The following BLOC1S6 variants were observed in gnomAD, a reference collection of about 807,000 sequenced individuals.
The protein encoded by BLOC1S6 is biogenesis of lysosomal organelles complex 1 subunit 6.
In BLOC1S6, 24 loss-of-function variants were observed where a neutral mutation model predicts 24.7. The observed-to-expected ratio is 0.97, with a 90% CI of 0.70 to 1.37. The LOEUF is 1.37. BLOC1S6 is among the 40% of genes most tolerant of loss of function. BLOC1S6 has a pLI of 0.00. For missense variants in BLOC1S6, 175 were observed against 196.2 expected, an observed-to-expected ratio of 0.89 and a Z score of 0.64; for synonymous variants, 76 against 72.6, an observed-to-expected ratio of 1.05 and a Z score of -0.23.
At chr15:45,592,900 C>G (rs1434774687) in intron 2 of BLOC1S6, among the ~76,000 whole-genome samples, 1 of 152,186 alleles carries the variant, frequency 6.6e-6, no homozygotes, top group Non-Finnish European at 1.5e-5. Flanking sequence ...CTGGATAGCC[C>G]AGGCTGGCCT....
At chr15:45,601,684 A>C (rs1198237859) in intron 2 of BLOC1S6, among the ~76,000 whole-genome samples, 1 of 151,606 alleles carries the variant, frequency 6.6e-6, no homozygotes, top group East Asian at 1.9e-4. Flanking sequence ...AATTTTATTG[A>C]TCTTTTAAAG....
chr15:45,602,417 CATTG>C, intron 2 of BLOC1S6: 1 of 636,240 alleles, frequency 1.6e-6, no homozygotes, highest in Non-Finnish European at 2.8e-6. Flanking sequence ...GTGATCCTAA[CATTG>C]ATTGATGTGT....
At chr15:45,589,262 G>A (rs925716066) in intron 1 of BLOC1S6, among the ~76,000 whole-genome samples, 5 of 152,276 alleles carry the variant, frequency 3.3e-5, no homozygotes, top group Non-Finnish European at 7.4e-5. Context: ...GTAATATTTC[G>A]TTTGTCATAA....
At chr15:45,591,993 G>C in intron 1 of BLOC1S6, 142 bp from the exon 2 acceptor site, 2 of 937,386 alleles carry the variant, frequency 2.1e-6, no homozygotes, top group Non-Finnish European at 3.2e-6. Flanking sequence ...CGGCTGGTCA[G>C]AGTGCAGTGG....
chr15:45,596,926 C>T (rs7496542), intron 2 of BLOC1S6, among the ~76,000 whole-genome samples: 7,093 of 151,684 alleles, frequency 0.047, 276 homozygotes, highest in Non-Finnish European at 0.07. Flanking sequence ...TCCCCAGCCT[C>T]AGGCTCCCAA....
chr15:45,595,910 C>G (rs536659448), intron 2 of BLOC1S6, among the ~76,000 whole-genome samples: 1 of 151,824 alleles, frequency 6.6e-6, no homozygotes, highest in African/African-American at 2.4e-5. Context: ...TGGGTTCAAG[C>G]GATTCTCCTG....
At chr15:45,587,258 T>G, upstream of BLOC1S6, 1 of 645,868 alleles carries the variant, frequency 1.5e-6, no homozygotes, top group South Asian at 1.8e-5. Context: ...CAGCGCGGGG[T>G]CCCCACAACG....
At chr15:45,593,580 A>G (rs1893963777) in intron 2 of BLOC1S6, among the ~76,000 whole-genome samples, 1 of 152,146 alleles carries the variant, frequency 6.6e-6, no homozygotes, top group Non-Finnish European at 1.5e-5. Flanking sequence ...GATAGATGGA[A>G]GGTAAGAAAC....
chr15:45,590,900 A>C (rs1893859443), intron 1 of BLOC1S6, among the ~76,000 whole-genome samples: 1 of 152,236 alleles, frequency 6.6e-6, no homozygotes, highest in Non-Finnish European at 1.5e-5. Context: ...TAATTTTAGT[A>C]AAGTGACCAT....
chr15:45,591,463 C>T (rs1207531256), intron 1 of BLOC1S6, among the ~76,000 whole-genome samples: 3 of 152,066 alleles, frequency 2.0e-5, no homozygotes, highest in Non-Finnish European at 4.4e-5. Context: ...GACAGGGTCT[C>T]GCTCCGCTGC....
At chr15:45,589,068 A>G (rs1478620490) in intron 1 of BLOC1S6, among the ~76,000 whole-genome samples, 3 of 152,252 alleles carry the variant, frequency 2.0e-5, no homozygotes, top group African/African-American at 7.2e-5. Context: ...TAAGCAAGGA[A>G]GCTCACTGCA....
At position 45,587,473 on chromosome 15, in the gene BLOC1S6, CGG is replaced by C. The variant is rs749555560; in HGVS notation, c.33_34del (p.Ala12ProfsTer19). The C allele has an allele frequency of 5.1e-6, 8 of 1,583,682 alleles. No individual in the cohort carries two copies. The South Asian group carries it at 9.2e-5, about 18-fold the overall frequency. Reference sequence around the variant, plus strand: ...GTGTCCCTGGGCCGTCGTCTCCGGACGGGGCCCTGACACGGCCACCCTACTGC... The same window carrying C: ...GTGTCCCTGGGCCGTCGTCTCCGGACGGCCCTGACACGGCCACCCTACTGC... MSVPGPSSPD[G>X]ALTRPPYCLE... On this transcript the variant is annotated frameshift_variant, in exon 1 of 5. Transcript: ENST00000220531. LOFTEE classifies it high-confidence loss of function.
Position 45,606,462 on chromosome 15 carries a change from AG to A in BLOC1S6, c.469del (p.Glu157SerfsTer8). On this transcript the variant is annotated frameshift_variant, in exon 5 of 5. Transcript: ENST00000220531. LOFTEE classifies it high-confidence loss of function. Reference sequence around the variant, plus strand: ...TTGGAAAGGGAGCAGCAACGAGAGAAGGAGTTTGAAAGAGAAAAGCAGTTAA... The same window carrying A: ...TTGGAAAGGGAGCAGCAACGAGAGAAGAGTTTGAAAGAGAAAAGCAGTTAA... ...EELEREQQRE[K>X]EFEREKQLTA... The A allele has an allele frequency of 6.2e-7, 1 of 1,614,170 alleles. No individual in the cohort carries two copies. Among genetic ancestry groups the A allele is most frequent in the Non-Finnish European group, 8.5e-7 (1 of 1,180,034 alleles).
chr15:45,606,062 T>A (rs1894445793), intron 4 of BLOC1S6, among the ~76,000 whole-genome samples: 1 of 152,170 alleles, frequency 6.6e-6, no homozygotes, highest in Non-Finnish European at 1.5e-5. Context: ...GGCCTCGACC[T>A]CCCTAAGTGC....
chr15:45,600,487 G>C (rs1384480603), intron 2 of BLOC1S6, among the ~76,000 whole-genome samples: 2 of 152,140 alleles, frequency 1.3e-5, no homozygotes, highest in African/African-American at 4.8e-5. Context: ...TCTCTTCCTA[G>C]TTTGTTGATG....
chr15:45,597,736 A>G (rs954644051), intron 2 of BLOC1S6: 1 of 187,908 alleles, frequency 5.3e-6, no homozygotes, highest in Non-Finnish European at 1.2e-5. Context: ...AAATCTTACT[A>G]TACTTGCCTA....
At chr15:45,606,267 A>T in intron 4 of BLOC1S6, 128 bp from the exon 5 acceptor site, 1 of 1,331,790 alleles carries the variant, frequency 7.5e-7, no homozygotes, top group Non-Finnish European at 1.0e-6. Context: ...TCCCAAATTT[A>T]AATGTCCAAG....
chr15:45,602,973 C>A (rs956932631), intron 2 of BLOC1S6, 127 bp from the exon 3 acceptor site: 5 of 690,060 alleles, frequency 7.2e-6, no homozygotes, highest in Middle Eastern at 2.8e-4. Flanking sequence ...ATTAAATAAA[C>A]CTTAGAGAGT....
intron 1 of BLOC1S6, among the ~76,000 whole-genome samples, chr15:45,589,705 G>A (rs909926524): frequency 2.0e-5 from 3 of 152,116 alleles, no homozygotes; most frequent in Non-Finnish European, 2.9e-5. Context: ...AACCTTTCTC[G>A]TATGAATAGA....
Sources: gnomAD v4.1 joint callset for allele counts (sites outside exome capture counted in the v4.1 genomes callset) on GRCh38, gnomAD v4.1.1 for gene constraint, MANE v1.5 for transcripts, NCBI Gene and HGNC (gene_info 2026-07-23, HGNC 2026-07-21) for gene names.